RXRA: variants seen among roughly 807,000 people sequenced by gnomAD.
The protein encoded by RXRA is retinoic acid receptor RXR-alpha.
A neutral mutation model predicts 44.5 loss-of-function variants in RXRA; 5 were observed. The observed-to-expected ratio is 0.11, with a 90% CI of 0.06 to 0.24. The LOEUF (loss-of-function observed/expected upper bound fraction) is 0.24, where lower values mean the gene tolerates loss of function less well. Among genes scored for constraint, RXRA ranks in the 10% least tolerant of loss-of-function variants. RXRA has a pLI of 1.00. For missense variants in RXRA, 412 were observed against 646.5 expected (o/e 0.64, Z 3.93); for synonymous variants, 291 against 271.4 (o/e 1.07, Z -0.71).
chr9:134,436,511 G>T lies in RXRA; in HGVS notation c.1286G>T (p.Gly429Val), dbSNP rs763558005. The T allele has an allele frequency of 6.2e-7, 1 of 1,614,176 alleles. No homozygotes were observed. Among genetic ancestry groups the T allele is most frequent in the South Asian group, 1.1e-5 (1 of 91,088 alleles). ...LLRLPALRSI[G>V]LKCLEHLFFF... ...CGCCTGCCGGCTCTGCGCTCCATCG[G>T]GCTCAAATGCCTGGAACATCTCTTC... Residue 429 changes from glycine to valine, a missense_variant, in exon 10 of 10, where the codon GGG (glycine) becomes GTG (valine). Transcript: ENST00000481739.
chr9:134,352,502 G>A (rs781819738), intron 1 of RXRA, among the ~76,000 whole-genome samples: 1 of 152,188 alleles, frequency 6.6e-6, no homozygotes, highest in Non-Finnish European at 1.5e-5. Flanking sequence ...CCCCTGCCCA[G>A]CAGTGGGCAG....
rs1265143391 is a variant in RXRA at position 134,436,933 on chromosome 9, T to A, written c.*319T>A. ...CCACGGGGCTTGGGCGACTACAGGG[T>A]CTTCGGGCCCCAGCCCTGGAGCTGC... On this transcript the variant is annotated 3_prime_UTR_variant, in exon 10 of 10. Coordinates refer to ENST00000481739, the MANE Select transcript of RXRA (RefSeq NM_002957.6). 1 of 319,368 alleles carries A rather than the reference T, an allele frequency of 3.1e-6. No individual in the cohort carries two copies. Among genetic ancestry groups the A allele is most frequent in the Non-Finnish European group, 5.8e-6 (1 of 171,916 alleles). 19.8% of individuals were successfully genotyped at this position (319,368 alleles called of 1,614,324 possible). A position where few individuals can be genotyped will look rare whatever the true frequency, so the allele number is the denominator to read the frequency against.
chr9:134,408,931 G>A lies in RXRA; in HGVS notation c.431-9G>A. The A allele has an allele frequency of 6.5e-7, 1 of 1,533,828 alleles. No individual in the cohort carries two copies. The highest frequency in any genetic ancestry group is 8.8e-7 in the Non-Finnish European group (1 of 1,136,672). The stretch of plus-strand genomic sequence containing the variant: ...GTGCTCCCCAGCCCTGCTCTGCCCT[G>A]TCCCGCAGGCAAGCACTATGGAGTG... On this transcript the variant is annotated splice_polypyrimidine_tract_variant and intron_variant, in intron 3 of 9. Transcript: ENST00000481739.
Position 134,436,931 on chromosome 9 carries a change from G to C in RXRA, c.*317G>C, listed in dbSNP as rs17847927. 3.1e-6 allele frequency: 1 copy of C among 326,442 alleles called. No homozygotes were observed. The highest frequency in any genetic ancestry group is 5.7e-6 in the Non-Finnish European group (1 of 176,100). The allele number at this position is 326,442 out of a possible 1,614,324, so 20.2% of individuals were successfully genotyped here. The stretch of plus-strand genomic sequence containing the variant: ...CCCCACGGGGCTTGGGCGACTACAG[G>C]GTCTTCGGGCCCCAGCCCTGGAGCT... On this transcript the variant is annotated 3_prime_UTR_variant, in exon 10 of 10. Transcript: ENST00000481739.
intron 1 of RXRA, among the ~76,000 whole-genome samples, chr9:134,385,453 C>T (rs563148915): frequency 2.0e-4 from 30 of 152,346 alleles, no homozygotes; most frequent in African/African-American, 6.3e-4. Flanking sequence ...TGCTCCATTC[C>T]GGCCCCTGCC....
At chr9:134,360,283 C>T (rs368835157) in intron 1 of RXRA, among the ~76,000 whole-genome samples, 73 of 152,294 alleles carry the variant, frequency 4.8e-4, no homozygotes, top group Middle Eastern at 3.4e-3. Flanking sequence ...TGACAGGCTG[C>T]GGACTGGCCT....
At chr9:134,335,221 T>C (rs1240871475) in intron 1 of RXRA, among the ~76,000 whole-genome samples, 1 of 152,186 alleles carries the variant, frequency 6.6e-6, no homozygotes, top group Non-Finnish European at 1.5e-5. Flanking sequence ...CCCCATGCGA[T>C]GAGTGAGCGC....
At position 134,417,265 on chromosome 9, in the gene RXRA, C is replaced by T; in HGVS notation, c.718C>T (p.Leu240=). The part of the protein sequence containing the change: ...MPVERILEAE[L]AVEPKTETYV... The stretch of plus-strand genomic sequence containing the variant: ...GGTGGAGAGGATCCTGGAGGCTGAG[C>T]TGGCCGTGGAGCCCAAGACCGAGAC... The change falls in exon 5 of 10, where the codon CTG becomes TTG. Residue 240 remains leucine (L), a synonymous_variant. Coordinates refer to ENST00000481739, the MANE Select transcript of RXRA (RefSeq NM_002957.6). The surrounding 1 kb of genome is among the most constrained non-coding windows in gnomAD (Gnocchi z 6.1). 6.2e-7 allele frequency: 1 copy of T among 1,613,900 alleles called. No homozygotes were observed. Among genetic ancestry groups the T allele is most frequent in the Non-Finnish European group, 8.5e-7 (1 of 1,179,974 alleles).
rs558453490 is a variant in RXRA at position 134,373,710 on chromosome 9, G to GC, written c.29-27916dup. Among the ~76,000 whole-genome samples the GC allele has an allele frequency of 1.4e-3, 219 of 152,316 alleles. 1 individual carries two copies. In the Middle Eastern group the frequency reaches 0.017, roughly 12 times the overall value. On this transcript the variant is annotated intron_variant, in intron 1 of 9. Transcript: ENST00000481739. ...AGGTGAGTGGCACCTCCCACAGGAAGCCCCCCTTGATGTCTCCTCCACCTT... is the reference window on the plus strand; with the variant it reads ...AGGTGAGTGGCACCTCCCACAGGAAGCCCCCCCTTGATGTCTCCTCCACCTT...
intron 1 of RXRA, among the ~76,000 whole-genome samples, chr9:134,367,378 A>C (rs887501341): frequency 6.6e-6 from 1 of 152,014 alleles, no homozygotes; most frequent in Admixed American, 6.5e-5. Context: ...TGCTCCCCGG[A>C]GCCCACCCTT....
intron 1 of RXRA, among the ~76,000 whole-genome samples, chr9:134,376,525 T>G (rs1564275924): frequency 4.1e-5 from 1 of 24,626 alleles, no homozygotes; most frequent in Non-Finnish European, 1.0e-4. Flanking sequence ...CCTGGGCTCA[T>G]GACTTGACAG....
intron 1 of RXRA, among the ~76,000 whole-genome samples, chr9:134,385,967 G>A (rs1411257354): frequency 1.3e-5 from 2 of 152,256 alleles, no homozygotes; most frequent in Non-Finnish European, 2.9e-5. Flanking sequence ...TGTGACGGTC[G>A]TGTCTCGGAT....
intron 1 of RXRA, among the ~76,000 whole-genome samples, chr9:134,361,968 C>T (rs949812243): frequency 1.9e-4 from 29 of 152,290 alleles, no homozygotes; most frequent in African/African-American, 5.5e-4. Flanking sequence ...TTTCTGATGC[C>T]GCCGGGCTCC....
intron 1 of RXRA, among the ~76,000 whole-genome samples, chr9:134,382,961 G>C (rs1262401754): frequency 6.6e-6 from 1 of 152,212 alleles, no homozygotes; most frequent in African/African-American, 2.4e-5. Context: ...CCTGGTTAGC[G>C]AGACCCTGGC....
chr9:134,385,449 A>G (rs1830705366), intron 1 of RXRA, among the ~76,000 whole-genome samples: 1 of 152,166 alleles, frequency 6.6e-6, no homozygotes, highest in African/African-American at 2.4e-5. Flanking sequence ...GCTCTGCTCC[A>G]TTCCGGCCCC....
chr9:134,355,875 A>G (rs942389654), intron 1 of RXRA, among the ~76,000 whole-genome samples: 10 of 151,038 alleles, frequency 6.6e-5, no homozygotes, highest in Admixed American at 3.9e-4. Context: ...CTCCGCAGGT[A>G]CCCTCTCAGT....
intron 5 of RXRA, among the ~76,000 whole-genome samples, chr9:134,419,139 C>T (rs1381115348): frequency 6.6e-6 from 1 of 152,230 alleles, no homozygotes; most frequent in East Asian, 1.9e-4. Flanking sequence ...AGACCCACCC[C>T]CAGCCCTGGC....
chr9:134,395,681 G>T lies in RXRA; in HGVS notation c.29-5951G>T, dbSNP rs941001724. Among the ~76,000 whole-genome samples, 3 of 152,222 alleles carry T rather than the reference G, an allele frequency of 2.0e-5. No homozygotes were observed. The South Asian group carries it at 6.2e-4, about 31-fold the overall frequency. On this transcript the variant is annotated intron_variant, in intron 1 of 9. Coordinates refer to ENST00000481739, the MANE Select transcript of RXRA (RefSeq NM_002957.6). ...TAGGCCTGGCCGAGGTGGGGGGCTG[G>T]ACCTCCCCATGGGGCCCCTTGGCAT...
chr9:134,377,272 C>T (rs780787100), intron 1 of RXRA, among the ~76,000 whole-genome samples: 5 of 152,308 alleles, frequency 3.3e-5, no homozygotes, highest in South Asian at 4.1e-4. Context: ...TCCTTGATGG[C>T]GAGCTGGCTG....
Sources: gnomAD v4.1 joint callset for allele counts (sites outside exome capture counted in the v4.1 genomes callset) on GRCh38, gnomAD v4.1.1 for gene constraint, Gnocchi (gnomAD v3.1) non-coding constraint, MANE v1.5 for transcripts, NCBI Gene and HGNC (gene_info 2026-07-23, HGNC 2026-07-21) for gene names.